FLYWCH1: variants seen among roughly 807,000 people sequenced by gnomAD.
The protein encoded by FLYWCH1 is FLYWCH-type zinc finger-containing protein 1.
FLYWCH1 carries 75 observed loss-of-function variants against 66.4 expected under a neutral mutation model. The observed-to-expected ratio is 1.13, with a 90% CI of 0.94 to 1.37. The LOEUF is 1.37. FLYWCH1 is among the 40% of genes most tolerant of loss of function. FLYWCH1 has a pLI of 0.00. For missense variants in FLYWCH1, 1,334 were observed against 1,001.8 expected (o/e 1.33, Z -4.48); for synonymous variants, 595 against 429.9 (o/e 1.38, Z -4.75).
chr16:2,943,745 G>T (rs1463723900), intron 9 of FLYWCH1, among the ~76,000 whole-genome samples: 1 of 152,040 alleles, frequency 6.6e-6, no homozygotes, highest in Non-Finnish European at 1.5e-5. Flanking sequence ...AGACCAGCCT[G>T]GCCAACATAG....
intron 4 of FLYWCH1, among the ~76,000 whole-genome samples, chr16:2,932,858 G>A (rs2070817827): frequency 6.6e-6 from 1 of 151,678 alleles, no homozygotes. Flanking sequence ...GGAGAGGAAT[G>A]AGACTCTCCT....
intron 6 of FLYWCH1, chr16:2,934,688 A>G (rs2070923485): frequency 2.2e-6 from 1 of 456,370 alleles, no homozygotes; most frequent in Non-Finnish European, 4.4e-6. Flanking sequence ...TCATGGCCCT[A>G]AAGTTCTCTC....
intron 8 of FLYWCH1, among the ~76,000 whole-genome samples, chr16:2,938,795 G>C (rs1341360275): frequency 6.6e-6 from 1 of 151,224 alleles, no homozygotes; most frequent in East Asian, 2.0e-4. Context: ...TGTATTTTTA[G>C]TAGAGACGGG....
At chr16:2,921,597 A>T (rs943691577) in intron 2 of FLYWCH1, among the ~76,000 whole-genome samples, 1 of 152,132 alleles carries the variant, frequency 6.6e-6, no homozygotes, top group African/African-American at 2.4e-5. Flanking sequence ...CCCCGTCTCT[A>T]CAAAGAATAC....
Position 2,937,170 on chromosome 16 carries a change from C to T in FLYWCH1, c.1563C>T (p.Tyr521=), listed in dbSNP as rs759961643. 18 of 1,609,236 alleles carry T rather than the reference C, an allele frequency of 1.1e-5. No homozygotes were observed. The highest frequency in any genetic ancestry group is 3.9e-4 in the Middle Eastern group (2 of 5,070). Residue 521 remains tyrosine, a synonymous_variant, in exon 7 of 10, where the codon TAC becomes TAT. Transcript: ENST00000253928. The part of the protein sequence containing the change: ...KTPLGGSFLV[Y]ESFLYRREKA... Reference sequence around the variant, plus strand: ...CCCTGGGGGGCAGCTTCCTGGTGTACGAGTCCTTCCTCTACCGGCGGGAGA... The same window carrying T: ...CCCTGGGGGGCAGCTTCCTGGTGTATGAGTCCTTCCTCTACCGGCGGGAGA...
intron 9 of FLYWCH1, among the ~76,000 whole-genome samples, chr16:2,941,716 A>G (rs566794192): frequency 2.3e-3 from 348 of 151,870 alleles, no homozygotes; most frequent in Non-Finnish European, 3.6e-3. Context: ...AAAAAATAGA[A>G]AAACTAAAAA....
In FLYWCH1 at chr16:2,949,759, C is replaced by G. The variant is rs941629916; in HGVS notation, c.*1032C>G. On this transcript the variant is annotated 3_prime_UTR_variant, in exon 10 of 10. Transcript: ENST00000253928. ...GCAAGGCTGTGACAGCCTGGGCACC[C>G]CTGCTTCTCCTCTGCTTGTACGGTT... 1 of 152,060 alleles carries G rather than the reference C, an allele frequency of 6.6e-6. No individual in the cohort carries two copies. The highest frequency in any genetic ancestry group is 2.4e-5 in the African/African-American group (1 of 41,364). 9.4% of individuals were successfully genotyped at this position (152,060 alleles called of 1,614,324 possible).
At chr16:2,940,697 C>T (rs187457553) in intron 9 of FLYWCH1, among the ~76,000 whole-genome samples, 61 of 152,236 alleles carry the variant, frequency 4.0e-4, no homozygotes, top group South Asian at 2.3e-3. Context: ...TCGGGTCTCC[C>T]GAGTGCTGGG....
chr16:2,912,483 G>A (rs965532670), intron 1 of FLYWCH1, among the ~76,000 whole-genome samples: 100 of 152,192 alleles, frequency 6.6e-4, no homozygotes, highest in Non-Finnish European at 1.1e-3. Flanking sequence ...CAGCTCGGGC[G>A]GTCCCAGTGA....
intron 2 of FLYWCH1, among the ~76,000 whole-genome samples, chr16:2,928,138 T>C (rs561522486): frequency 3.3e-5 from 5 of 152,334 alleles, no homozygotes; most frequent in African/African-American, 1.2e-4. Flanking sequence ...TGCCAGCGTA[T>C]CTTGCCTCCA....
intron 8 of FLYWCH1, among the ~76,000 whole-genome samples, chr16:2,938,926 A>G (rs1310475610): frequency 7.3e-6 from 1 of 137,658 alleles, no homozygotes; most frequent in South Asian, 2.3e-4. Flanking sequence ...TTTTTTCTTG[A>G]GTCAGAGTTT....
intron 6 of FLYWCH1, chr16:2,936,022 GTC>G (rs937695515): frequency 5.4e-6 from 1 of 186,902 alleles, no homozygotes; most frequent in African/African-American, 2.4e-5. Flanking sequence ...TGATTTTCCT[GTC>G]TCAGCCTTCT....
chr16:2,936,491 C>G (rs1384337985), intron 6 of FLYWCH1: 1 of 447,392 alleles, frequency 2.2e-6, no homozygotes, highest in African/African-American at 2.0e-5. Context: ...GCTACCCACC[C>G]CCATCCCCTG....
chr16:2,913,476 C>T (rs1346670207), intron 1 of FLYWCH1, among the ~76,000 whole-genome samples: 1 of 152,052 alleles, frequency 6.6e-6, no homozygotes, highest in Admixed American at 6.6e-5. Flanking sequence ...AGCTGTGGCT[C>T]TTGGGCAATT....
intron 4 of FLYWCH1, among the ~76,000 whole-genome samples, chr16:2,931,585 C>T (rs1294462397): frequency 6.6e-6 from 1 of 151,930 alleles, no homozygotes; most frequent in African/African-American, 2.4e-5. Flanking sequence ...CACTGCCCTC[C>T]AGCCTGGACA....
chr16:2,944,718 G>A (rs2071407890), intron 9 of FLYWCH1, among the ~76,000 whole-genome samples: 1 of 151,988 alleles, frequency 6.6e-6, no homozygotes, highest in South Asian at 2.1e-4. Context: ...AGCTACTTGG[G>A]AGGCTGAGGC....
Position 2,929,695 on chromosome 16 carries a change from C to T in FLYWCH1, c.10C>T (p.Pro4Ser), listed in dbSNP as rs1424152139. ...GGCCCTGGGTCCCGGGATGCCCCTG[C>T]CCGAGCCCAGCGAGCAGGAGGGCGA... MPL[P>S]EPSEQEGESV... Residue 4 changes from proline (P) to serine (S), a missense_variant, in exon 3 of 10, where the codon CCC becomes TCC. Transcript: ENST00000253928. 1 of 1,611,298 alleles carries T rather than the reference C, an allele frequency of 6.2e-7. No homozygotes were observed. Among genetic ancestry groups the T allele is most frequent in the African/African-American group, 1.3e-5 (1 of 75,014 alleles).
chr16:2,935,159 G>C (rs1263274048), intron 6 of FLYWCH1: 1 of 152,646 alleles, frequency 6.6e-6, no homozygotes, highest in Non-Finnish European at 1.5e-5. Flanking sequence ...CCAACCTCAG[G>C]TGATCTGCCT....
intron 2 of FLYWCH1, among the ~76,000 whole-genome samples, chr16:2,919,699 G>C (rs1302318763): frequency 6.6e-6 from 1 of 152,104 alleles, no homozygotes; most frequent in Non-Finnish European, 1.5e-5. Context: ...CCAGCTCGAA[G>C]TACTACTTTT....
Sources: gnomAD v4.1 joint callset for allele counts (sites outside exome capture counted in the v4.1 genomes callset) on GRCh38, gnomAD v4.1.1 for gene constraint, MANE v1.5 for transcripts, NCBI Gene and HGNC (gene_info 2026-07-23, HGNC 2026-07-21) for gene names.